GRM7: variants seen among roughly 807,000 people sequenced by gnomAD.
GRM7 encodes the protein metabotropic glutamate receptor 7.
A neutral mutation model predicts 84.5 loss-of-function variants in GRM7; 35 were observed. That is an observed-to-expected ratio of 0.41 (90% CI 0.32 to 0.55). GRM7 has a LOEUF of 0.55. Among genes scored for constraint, GRM7 ranks in the 20% least tolerant of loss-of-function variants. The pLI, the probability that GRM7 is intolerant of heterozygous loss-of-function variation, is 0.19. For missense variants in GRM7, 1,003 were observed against 1,194.6 expected, an observed-to-expected ratio of 0.84 and a Z score of 2.36; for synonymous variants, 487 against 455.1, an observed-to-expected ratio of 1.07 and a Z score of -0.89.
chr3:7,193,937 C>G (rs1203908649), intron 2 of GRM7, among the ~76,000 whole-genome samples: 8 of 152,076 alleles, frequency 5.3e-5, no homozygotes, highest in African/African-American at 1.9e-4. Context: ...CAACAGATAT[C>G]TTGATTACTT....
chr3:7,257,909 C>T (rs1362270805), intron 2 of GRM7, among the ~76,000 whole-genome samples: 3 of 152,102 alleles, frequency 2.0e-5, no homozygotes, highest in Non-Finnish European at 4.4e-5. Flanking sequence ...CAAGAAATTG[C>T]AGGGAATATT....
intron 1 of GRM7, among the ~76,000 whole-genome samples, chr3:6,965,930 A>G (rs938532371): frequency 1.3e-5 from 2 of 152,156 alleles, no homozygotes; most frequent in African/African-American, 4.8e-5. Flanking sequence ...AAGTTGAGAA[A>G]TATCCACACC....
chr3:6,974,709 G>C (rs954566522), intron 1 of GRM7, among the ~76,000 whole-genome samples: 6 of 152,170 alleles, frequency 3.9e-5, no homozygotes, highest in Non-Finnish European at 8.8e-5. Context: ...TGGCCCATCA[G>C]ACATATCAAG....
Position 7,230,115 on chromosome 3 carries a change from C to T in GRM7, c.737-68569C>T, listed in dbSNP as rs181485492. Among the ~76,000 whole-genome samples the T allele has an allele frequency of 3.5e-3, 526 of 151,674 alleles. 4 individuals carry two copies. The highest frequency in any genetic ancestry group is 0.012 in the African/African-American group (491 of 41,390). On this transcript the variant is annotated intron_variant, in intron 2 of 9. Transcript: ENST00000357716. ...CGGCCTCCCAAAATGCTGGGATTGC[C>T]GGCATGAGCCACCGCGCCTGGCCTC...
intron 1 of GRM7, among the ~76,000 whole-genome samples, chr3:6,889,597 G>A (rs1168210481): frequency 6.6e-6 from 1 of 152,114 alleles, no homozygotes; most frequent in Non-Finnish European, 1.5e-5. Flanking sequence ...TAATCATCGT[G>A]GATAACCTTT....
At chr3:7,550,577 C>CTCTGTGTG (rs1211953579) in intron 7 of GRM7, among the ~76,000 whole-genome samples, 4 of 52,978 alleles carry the variant, frequency 7.6e-5, no homozygotes, top group Admixed American at 2.5e-4. Flanking sequence ...CTCTCTCTCT[C>CTCTGTGTG]TGTGTGTGTG....
At chr3:7,337,698 C>G (rs377130077) in intron 4 of GRM7, among the ~76,000 whole-genome samples, 1 of 151,806 alleles carries the variant, frequency 6.6e-6, no homozygotes, top group East Asian at 1.9e-4. Context: ...ATCAAAACCA[C>G]AATGTGATAC....
chr3:7,567,809 A>G (rs905422998), intron 7 of GRM7, among the ~76,000 whole-genome samples: 6 of 140,786 alleles, frequency 4.3e-5, no homozygotes, highest in African/African-American at 1.5e-4. Context: ...GATGACTTAT[A>G]TGCAAGGGTT....
chr3:7,528,328 T>C (rs1700890046), intron 7 of GRM7, among the ~76,000 whole-genome samples: 2 of 152,102 alleles, frequency 1.3e-5, no homozygotes, highest in African/African-American at 2.4e-5. Flanking sequence ...TTCATAATAG[T>C]CTCTGAGAAT....
At chr3:7,264,903 G>A (rs1698578546) in intron 2 of GRM7, among the ~76,000 whole-genome samples, 1 of 152,138 alleles carries the variant, frequency 6.6e-6, no homozygotes, top group Admixed American at 6.5e-5. Context: ...CTATAGAGTT[G>A]AGAGTCAATG....
At chr3:7,676,282 G>A (rs1395563531) in intron 8 of GRM7, among the ~76,000 whole-genome samples, 1 of 152,218 alleles carries the variant, frequency 6.6e-6, no homozygotes, top group South Asian at 2.1e-4. Context: ...AGAGTCAGTA[G>A]CCTAGCTTCC....
intron 2 of GRM7, among the ~76,000 whole-genome samples, chr3:7,200,749 A>G (rs1696038085): frequency 6.6e-6 from 1 of 152,130 alleles, no homozygotes; most frequent in Non-Finnish European, 1.5e-5. Context: ...ACTGCCTTAG[A>G]TTATTATTTT....
chr3:7,166,368 T>C (rs1451041148), intron 2 of GRM7, among the ~76,000 whole-genome samples: 1 of 152,196 alleles, frequency 6.6e-6, no homozygotes, highest in Non-Finnish European at 1.5e-5. Flanking sequence ...GCATTTTGGA[T>C]AATAGCTGTT....
chr3:7,033,609 T>A (rs1696271146), intron 1 of GRM7, among the ~76,000 whole-genome samples: 1 of 152,176 alleles, frequency 6.6e-6, no homozygotes, highest in Non-Finnish European at 1.5e-5. Context: ...TTTTTCCCCC[T>A]AAAGCTGCAA....
chr3:7,200,822 C>T (rs1174458334), intron 2 of GRM7, among the ~76,000 whole-genome samples: 2 of 152,106 alleles, frequency 1.3e-5, no homozygotes, highest in Admixed American at 6.6e-5. Context: ...TTTCTCAAAC[C>T]TGTCACTCCT....
At chr3:7,498,538 G>C (rs1699780263) in intron 7 of GRM7, among the ~76,000 whole-genome samples, 1 of 152,104 alleles carries the variant, frequency 6.6e-6, no homozygotes, top group Non-Finnish European at 1.5e-5. Context: ...ATTCCCTAGG[G>C]TTGAATCCGG....
intron 8 of GRM7, among the ~76,000 whole-genome samples, chr3:7,586,078 C>T (rs561001881): frequency 6.6e-6 from 1 of 152,322 alleles, no homozygotes; most frequent in African/African-American, 2.4e-5. Context: ...TTGGTCTTCA[C>T]TTCTTTCATC....
At chr3:7,157,050 G>T (rs1000747291) in intron 2 of GRM7, among the ~76,000 whole-genome samples, 1 of 152,066 alleles carries the variant, frequency 6.6e-6, no homozygotes, top group Non-Finnish European at 1.5e-5. Flanking sequence ...GACTGGATGG[G>T]AAAAGAGGCT....
At chr3:7,091,410 A>C (rs888656540) in intron 1 of GRM7, among the ~76,000 whole-genome samples, 2 of 152,272 alleles carry the variant, frequency 1.3e-5, no homozygotes, top group South Asian at 4.1e-4. Flanking sequence ...TGTTTCCATC[A>C]AACACAACAC....
Sources: allele counts gnomAD v4.1 joint callset (sites outside exome capture counted in the v4.1 genomes callset), GRCh38; gene constraint gnomAD v4.1.1; transcripts MANE v1.5; gene names NCBI Gene and HGNC (gene_info 2026-07-23, HGNC 2026-07-21).